FAS: variants seen among roughly 807,000 people sequenced by gnomAD.
The protein encoded by FAS is Fas cell surface death receptor.
Under a neutral mutation model 33.2 loss-of-function variants are expected in FAS, and 5 were observed. That is an observed-to-expected ratio of 0.15 (90% CI 0.08 to 0.32). FAS has a LOEUF of 0.32. Among genes scored for constraint, FAS ranks in the 10% least tolerant of loss-of-function variants. The probability of loss-of-function intolerance (pLI) is 1.00; values close to 1 mark genes in which losing one functional copy is unlikely to be tolerated. For synonymous variants in FAS, 131 were observed against 130.7 expected, an observed-to-expected ratio of 1.00 and a Z score of -0.01; for missense variants, 339 against 386.0, an observed-to-expected ratio of 0.88 and a Z score of 1.02.
intron 1 of FAS, among the ~76,000 whole-genome samples, chr10:88,964,287 T>C (rs1040561750): frequency 1.3e-5 from 2 of 152,090 alleles, no homozygotes; most frequent in African/African-American, 4.8e-5. Flanking sequence ...AGGCTTCACG[T>C]ATATATGGGA....
At chr10:88,978,901 T>C (rs1307119258) in intron 2 of FAS, among the ~76,000 whole-genome samples, 1 of 151,372 alleles carries the variant, frequency 6.6e-6, no homozygotes, top group Non-Finnish European at 1.5e-5. Flanking sequence ...ATTATTATTA[T>C]TATATTATTA....
rs1848800382 is a variant in FAS at position 89,016,197 on chromosome 10, A to C, written c.*1747A>C. On this transcript the variant is annotated 3_prime_UTR_variant, in exon 9 of 9. Coordinates refer to ENST00000652046, the MANE Select transcript of FAS (RefSeq NM_000043.6). The stretch of plus-strand genomic sequence containing the variant: ...AGTAATATATTCTATTTAACCCATG[A>C]GTCCCAAAGTATTAGCATTTCAACA... The C allele has an allele frequency of 9.2e-6, 2 of 217,110 alleles. No homozygotes were observed. The highest frequency in any genetic ancestry group is 1.9e-5 in the Non-Finnish European group (2 of 107,962). 13.4% of individuals were successfully genotyped at this position (217,110 alleles called of 1,614,324 possible). A position where few individuals can be genotyped will look rare whatever the true frequency, so the allele number is the denominator to read the frequency against.
chr10:88,973,177 T>C (rs1311154207), intron 1 of FAS: 2 of 1,612,000 alleles, frequency 1.2e-6, no homozygotes, highest in Non-Finnish European at 1.7e-6. Context: ...CTGTGTGACC[T>C]ATAGATTCAG....
intron 1 of FAS, among the ~76,000 whole-genome samples, chr10:88,995,175 CTT>C (rs1475847558): frequency 6.6e-6 from 1 of 151,978 alleles, no homozygotes; most frequent in Non-Finnish European, 1.5e-5. Context: ...TAAAAAAAGT[CTT>C]TAGCTTTTTA....
chr10:88,975,367 A>G (rs142078612), intron 2 of FAS, among the ~76,000 whole-genome samples: 22 of 152,320 alleles, frequency 1.4e-4, no homozygotes, highest in Non-Finnish European at 2.9e-4. Flanking sequence ...ATTAGTTGAG[A>G]AGGACAATAG....
At chr10:89,012,363 G>C (rs987824410) in intron 7 of FAS, 6 of 349,262 alleles carry the variant, frequency 1.7e-5, no homozygotes, top group Non-Finnish European at 2.2e-5. Context: ...ATTTTTTATA[G>C]AGACAGGGTT....
At chr10:88,971,751 T>G (rs145323726) in intron 1 of FAS, among the ~76,000 whole-genome samples, 4 of 152,280 alleles carry the variant, frequency 2.6e-5, no homozygotes, top group African/African-American at 9.6e-5. Flanking sequence ...AATATCCCTC[T>G]TTTTGTCCTT....
At chr10:88,988,017 A>T (rs1846956345), upstream of FAS, among the ~76,000 whole-genome samples, 1 of 152,184 alleles carries the variant, frequency 6.6e-6, no homozygotes, top group African/African-American at 2.4e-5. Context: ...TTGGACTTGA[A>T]CTATAACTTT....
At chr10:88,973,213 G>T in exon 2 of FAS, 1 of 1,612,104 alleles carries the variant, frequency 6.2e-7, no homozygotes, top group Non-Finnish European at 8.5e-7. Context: ...ATAATTTCTG[G>T]CACTGCTTTG....
chr10:88,989,682 A>T (rs72809363), upstream of FAS: 1,455 of 434,506 alleles, frequency 3.3e-3, 5 homozygotes, highest in Admixed American at 5.8e-3. Flanking sequence ...AGAAAATGTC[A>T]ACTGAGAGGA....
intron 2 of FAS, among the ~76,000 whole-genome samples, chr10:88,979,680 G>A (rs1846661437): frequency 1.3e-5 from 2 of 151,840 alleles, no homozygotes; most frequent in African/African-American, 4.8e-5. Context: ...CCATGGTTTT[G>A]ATCCTCCTAT....
At chr10:89,008,638 A>G (rs1848368037) in intron 3 of FAS, among the ~76,000 whole-genome samples, 1 of 152,174 alleles carries the variant, frequency 6.6e-6, no homozygotes, top group Non-Finnish European at 1.5e-5. Flanking sequence ...TGTTAAGGCT[A>G]GAGACTAGAG....
In FAS at chr10:88,990,837, T is replaced by C. The variant is rs925082962; in HGVS notation, c.-40T>C. The C allele has an allele frequency of 9.9e-6, 16 of 1,613,720 alleles. No homozygotes were observed. The highest frequency in any genetic ancestry group is 1.3e-5 in the Non-Finnish European group (15 of 1,179,904). The stretch of plus-strand genomic sequence containing the variant: ...GTTGGTGGACCCGCTCAGTACGGAG[T>C]TGGGGAAGCTCTTTCACTTCGGAGG... On this transcript the variant is annotated 5_prime_UTR_variant, in exon 1 of 9. Transcript: ENST00000652046. The surrounding 1 kb of genome is among the most constrained non-coding windows in gnomAD (Gnocchi z 4.9).
intron 7 of FAS, 112 bp from the exon 8 acceptor site, chr10:89,013,231 G>A (rs1848618458): frequency 3.0e-6 from 3 of 985,266 alleles, no homozygotes; most frequent in Non-Finnish European, 3.1e-6. Context: ...TATACATCAA[G>A]CAACTGATTG....
At chr10:88,999,142 G>A (rs182013098) in intron 1 of FAS, among the ~76,000 whole-genome samples, 1 of 145,118 alleles carries the variant, frequency 6.9e-6, no homozygotes, top group South Asian at 2.2e-4. Context: ...AACAGAGCGA[G>A]ACTCCGTCTC....
upstream of FAS, among the ~76,000 whole-genome samples, chr10:88,989,945 A>C (rs1005939169): frequency 1.3e-5 from 2 of 152,224 alleles, no homozygotes; most frequent in Admixed American, 1.3e-4. Flanking sequence ...TACCGTTCCA[A>C]AGCAATAGTG....
chr10:88,968,137 T>A (rs1296182572), intron 1 of FAS, among the ~76,000 whole-genome samples: 2 of 152,198 alleles, frequency 1.3e-5, no homozygotes, highest in Non-Finnish European at 2.9e-5. Flanking sequence ...GTTATATGTA[T>A]TTAACTTGTA....
chr10:88,989,585 T>G (rs1370855146), upstream of FAS: 1 of 539,812 alleles, frequency 1.9e-6, no homozygotes, highest in South Asian at 1.4e-5. Context: ...TGGTGGTAAG[T>G]GCAGTGACAG....
At chr10:88,993,520 C>T (rs529689419) in intron 1 of FAS, among the ~76,000 whole-genome samples, 9 of 152,238 alleles carry the variant, frequency 5.9e-5, no homozygotes, top group African/African-American at 2.2e-4. Flanking sequence ...ATTGGCCAGG[C>T]AATCACTGGA....
Sources: allele counts gnomAD v4.1 joint callset (sites outside exome capture counted in the v4.1 genomes callset), GRCh38; gene constraint gnomAD v4.1.1; non-coding constraint Gnocchi (gnomAD v3.1); transcripts MANE v1.5; gene names NCBI Gene and HGNC (gene_info 2026-07-23, HGNC 2026-07-21).